The following MAPK10 variants were observed in gnomAD, a reference collection of about 807,000 sequenced individuals.
The protein encoded by MAPK10 is JNK3 alpha protein kinase.
Under a neutral mutation model 59.3 loss-of-function variants are expected in MAPK10, and 25 were observed. The observed-to-expected ratio is 0.42, with a 90% CI of 0.31 to 0.59. The LOEUF (loss-of-function observed/expected upper bound fraction) is 0.59, where lower values mean the gene tolerates loss of function less well. MAPK10 is among the 20% of genes least tolerant of loss of function. The pLI, the probability that MAPK10 is intolerant of heterozygous loss-of-function variation, is 0.15. For missense variants in MAPK10, 351 were observed against 568.9 expected (o/e 0.62, Z 3.90); for synonymous variants, 190 against 200.5 (o/e 0.95, Z 0.44).
intron 1 of MAPK10, among the ~76,000 whole-genome samples, chr4:86,524,817 C>A (rs1266086597): frequency 1.3e-5 from 2 of 150,326 alleles, no homozygotes; most frequent in Admixed American, 1.3e-4. Flanking sequence ...TAGCCTATCA[C>A]TCAACAAATA....
At chr4:86,195,999 T>C (rs2081219422) in intron 2 of MAPK10, among the ~76,000 whole-genome samples, 1 of 152,250 alleles carries the variant, frequency 6.6e-6, no homozygotes, top group South Asian at 2.1e-4. Context: ...TGCAAGTCTT[T>C]GCTATTGTGA....
chr4:86,242,273 G>A (rs1206750883), intron 2 of MAPK10, among the ~76,000 whole-genome samples: 2 of 152,144 alleles, frequency 1.3e-5, no homozygotes, highest in Non-Finnish European at 2.9e-5. Context: ...CCTGATGCCA[G>A]TAGAATTGCT....
intron 1 of MAPK10, among the ~76,000 whole-genome samples, chr4:86,365,768 C>T (rs1737773053): frequency 6.6e-6 from 1 of 152,120 alleles, no homozygotes; most frequent in Admixed American, 6.6e-5. Flanking sequence ...CTGCTTCAAA[C>T]TCTTTTTCAA....
chr4:86,359,263 C>CTTCTCTCTCTCT (rs1554248207), intron 1 of MAPK10, among the ~76,000 whole-genome samples: 1 of 53,452 alleles, frequency 1.9e-5, no homozygotes, highest in Non-Finnish European at 3.8e-5. Flanking sequence ...TTTTTTTTTT[C>CTTCTCTCTCTCT]CTCTCTCTCT....
chr4:86,101,675 A>G (rs2055423069), intron 7 of MAPK10, among the ~76,000 whole-genome samples: 1 of 152,176 alleles, frequency 6.6e-6, no homozygotes, highest in Admixed American at 6.5e-5. Flanking sequence ...GCTTCTAAGA[A>G]GCTGCATCTC....
chr4:86,528,743 C>T (rs1484291942), intron 1 of MAPK10, among the ~76,000 whole-genome samples: 5 of 152,096 alleles, frequency 3.3e-5, no homozygotes, highest in Non-Finnish European at 7.4e-5. Context: ...CAGTAAATGC[C>T]CCAAACTTTC....
intron 4 of MAPK10, among the ~76,000 whole-genome samples, chr4:86,136,871 C>T (rs1046635445): frequency 6.6e-6 from 1 of 152,014 alleles, no homozygotes; most frequent in Non-Finnish European, 1.5e-5. Context: ...CAAAAAAAGG[C>T]AGGGGTTGTA....
chr4:86,433,555 CTTTTTTTTT>C lies in MAPK10; in HGVS notation c.-122+19466_-122+19474del, dbSNP rs574706672. Among the ~76,000 whole-genome samples the C allele has an allele frequency of 4.4e-3, 430 of 97,622 alleles. 3 individuals are homozygous for C. Among genetic ancestry groups the C allele is most frequent in the African/African-American group, 0.016 (400 of 25,080 alleles). The allele number at this position is 97,622 out of a possible 152,430, so 64.0% of individuals were successfully genotyped here. A position where few individuals can be genotyped will look rare whatever the true frequency, so the allele number is the denominator to read the frequency against. On this transcript the variant is annotated intron_variant, in intron 1 of 13. Coordinates refer to the MAPK10 transcript ENST00000361569. ...ATATTATCACAGTCTGGGCCTTCTT[CTTTTTTTTT>C]TTTTTTTTTTTTTTTGTCTTATAGA...
At chr4:86,191,040 T>C (rs546854665) in intron 3 of MAPK10, among the ~76,000 whole-genome samples, 2 of 152,336 alleles carry the variant, frequency 1.3e-5, no homozygotes, top group East Asian at 1.9e-4. Flanking sequence ...TCAGTATCTA[T>C]GTAGTTCTGT....
At chr4:86,382,658 A>G (rs1208654029) in intron 1 of MAPK10, among the ~76,000 whole-genome samples, 2 of 152,320 alleles carry the variant, frequency 1.3e-5, no homozygotes, top group East Asian at 3.9e-4. Context: ...GGCAGTATAT[A>G]GTCTTTGGGT....
At chr4:86,248,238 T>C (rs1019476055) in intron 2 of MAPK10, among the ~76,000 whole-genome samples, 3 of 152,244 alleles carry the variant, frequency 2.0e-5, no homozygotes, top group African/African-American at 7.2e-5. Flanking sequence ...TTAAAGCTTG[T>C]GTTTCACAAT....
At chr4:86,246,417 C>T (rs1187892209) in intron 2 of MAPK10, among the ~76,000 whole-genome samples, 1 of 152,116 alleles carries the variant, frequency 6.6e-6, no homozygotes, top group African/African-American at 2.4e-5. Flanking sequence ...GGCAGCAGAG[C>T]AAGACTCCAT....
chr4:86,553,891 A>ATTT (rs55953008), intron 1 of MAPK10, among the ~76,000 whole-genome samples: 3 of 146,574 alleles, frequency 2.0e-5, no homozygotes, highest in Non-Finnish European at 4.5e-5. Flanking sequence ...CCACTTCTTA[A>ATTT]TTTTTTTTTT....
chr4:86,101,860 A>G, intron 7 of MAPK10, 34 bp downstream of exon 7: 1 of 1,610,864 alleles, frequency 6.2e-7, no homozygotes, highest in Non-Finnish European at 8.5e-7. Flanking sequence ...CTCTTAAAGC[A>G]TTTGAATTGT....
At chr4:86,299,160 A>G (rs1322276208) in intron 2 of MAPK10, among the ~76,000 whole-genome samples, 1 of 152,228 alleles carries the variant, frequency 6.6e-6, no homozygotes, top group African/African-American at 2.4e-5. Context: ...GCAGTAAAAA[A>G]AGCCTTGTTT....
Position 86,372,895 on chromosome 4 carries a change from C to CA in MAPK10, c.-121-18252dup, listed in dbSNP as rs202191184. Reference sequence around the variant, plus strand: ...AACAAATTCAAAAGGTAGCAGATGACAAGAAATAACAGCTTTAAATTTCAT... The same window carrying CA: ...AACAAATTCAAAAGGTAGCAGATGACAAAGAAATAACAGCTTTAAATTTCAT... On this transcript the variant is annotated intron_variant, in intron 1 of 13. Coordinates refer to the MAPK10 transcript ENST00000361569. Among the ~76,000 whole-genome samples the CA allele has an allele frequency of 5.7e-3, 861 of 152,088 alleles. 14 individuals are homozygous for CA. The highest frequency in any genetic ancestry group is 0.019 in the African/African-American group (785 of 41,518).
intron 3 of MAPK10, among the ~76,000 whole-genome samples, chr4:86,172,881 A>G (rs370909077): frequency 1.3e-5 from 2 of 152,220 alleles, no homozygotes; most frequent in South Asian, 2.1e-4. Context: ...TACAAAGAGA[A>G]TAAAATGCCT....
At chr4:86,338,243 T>C (rs753965710) in intron 2 of MAPK10, among the ~76,000 whole-genome samples, 2 of 152,122 alleles carry the variant, frequency 1.3e-5, no homozygotes, top group Non-Finnish European at 2.9e-5. Context: ...TAAGTACTAA[T>C]AAAGGCATCT....
At chr4:86,263,042 G>T (rs1276558762) in intron 2 of MAPK10, among the ~76,000 whole-genome samples, 1 of 152,120 alleles carries the variant, frequency 6.6e-6, no homozygotes, top group Non-Finnish European at 1.5e-5. Context: ...TGAATCAGGG[G>T]CTGCAAAGGT....
Sources: allele counts gnomAD v4.1 joint callset (sites outside exome capture counted in the v4.1 genomes callset), GRCh38; gene constraint gnomAD v4.1.1; transcripts MANE v1.5; gene names NCBI Gene and HGNC (gene_info 2026-07-23, HGNC 2026-07-21).